The following RSBN1L variants were observed in gnomAD, a reference collection of about 807,000 sequenced individuals.
The protein encoded by RSBN1L is lysine-specific demethylase RSBN1L.
In RSBN1L, 30 loss-of-function variants were observed where a neutral mutation model predicts 67.7. The ratio of observed to expected loss-of-function variants is 0.44; its 90% CI spans 0.33 to 0.60. The LOEUF is 0.60. RSBN1L is among the 20% of genes least tolerant of loss of function. RSBN1L has a pLI of 0.02. For missense variants in RSBN1L, 992 were observed against 1,031.7 expected (o/e 0.96, Z 0.53); for synonymous variants, 433 against 387.0 (o/e 1.12, Z -1.39).
chr7:77,745,480 G>A (rs757574467), intron 2 of RSBN1L, among the ~76,000 whole-genome samples: 17 of 152,142 alleles, frequency 1.1e-4, no homozygotes, highest in Non-Finnish European at 1.9e-4. Flanking sequence ...AGTGTTGATT[G>A]ACATATAGTA....
At chr7:77,754,713 G>A (rs569557876) in intron 3 of RSBN1L, among the ~76,000 whole-genome samples, 29 of 152,118 alleles carry the variant, frequency 1.9e-4, no homozygotes, top group African/African-American at 6.3e-4. Flanking sequence ...TTAGTAATTA[G>A]CCATGGCACT....
At chr7:77,723,402 CTGT>C (rs994790286) in intron 1 of RSBN1L, among the ~76,000 whole-genome samples, 5 of 152,072 alleles carry the variant, frequency 3.3e-5, no homozygotes, top group African/African-American at 1.2e-4. Flanking sequence ...TTCTTAAAAA[CTGT>C]TAAGCCTAAT....
At chr7:77,758,333 T>TA (rs951377936) in intron 3 of RSBN1L, among the ~76,000 whole-genome samples, 4 of 152,180 alleles carry the variant, frequency 2.6e-5, no homozygotes, top group Non-Finnish European at 5.9e-5. Flanking sequence ...TCGGCCTATT[T>TA]AAAAAATCCT....
intron 1 of RSBN1L, among the ~76,000 whole-genome samples, chr7:77,733,110 A>C (rs1791291941): frequency 6.6e-6 from 1 of 152,208 alleles, no homozygotes; most frequent in Non-Finnish European, 1.5e-5. Flanking sequence ...CCTCAGCAAC[A>C]TAGCGAGACC....
intron 1 of RSBN1L, among the ~76,000 whole-genome samples, chr7:77,722,120 C>T (rs1033141839): frequency 6.6e-6 from 1 of 151,948 alleles, no homozygotes; most frequent in African/African-American, 2.4e-5. Context: ...GAGGATGTGC[C>T]ATTAACATAG....
intron 1 of RSBN1L, among the ~76,000 whole-genome samples, chr7:77,701,108 C>T (rs949969442): frequency 2.5e-4 from 26 of 102,922 alleles, no homozygotes; most frequent in African/African-American, 1.0e-3. Context: ...GCTGAGATGG[C>T]GTCACTGTAC....
At chr7:77,771,017 C>T (rs1250158842) in intron 5 of RSBN1L, among the ~76,000 whole-genome samples, 1 of 152,226 alleles carries the variant, frequency 6.6e-6, no homozygotes, top group African/African-American at 2.4e-5. Context: ...TCTCGGCTCA[C>T]TGCAACCTCC....
intron 1 of RSBN1L, among the ~76,000 whole-genome samples, chr7:77,703,335 A>C (rs965119695): frequency 5.9e-5 from 9 of 151,892 alleles, no homozygotes; most frequent in African/African-American, 2.2e-4. Context: ...GTTTGTCATT[A>C]TCTCTCCCAT....
intron 1 of RSBN1L, among the ~76,000 whole-genome samples, chr7:77,716,256 C>T (rs1791046305): frequency 6.6e-6 from 1 of 152,108 alleles, no homozygotes. Flanking sequence ...ATTTTGAAAA[C>T]TTCCGTCTGT....
intron 4 of RSBN1L, among the ~76,000 whole-genome samples, chr7:77,766,585 A>G (rs561884752): frequency 1.3e-5 from 2 of 151,742 alleles, no homozygotes; most frequent in East Asian, 3.9e-4. Flanking sequence ...TGCTAGGGCT[A>G]TCCCACTGAG....
intron 3 of RSBN1L, among the ~76,000 whole-genome samples, chr7:77,757,708 C>T (rs1051245868): frequency 5.3e-5 from 8 of 152,180 alleles, no homozygotes; most frequent in African/African-American, 1.9e-4. Flanking sequence ...TGGGACACCT[C>T]ACTTATATGG....
At chr7:77,711,170 A>G (rs1313290462) in intron 1 of RSBN1L, among the ~76,000 whole-genome samples, 1 of 152,182 alleles carries the variant, frequency 6.6e-6, no homozygotes, top group South Asian at 2.1e-4. Flanking sequence ...ACAACAGGCA[A>G]ATTGTCAAGT....
At chr7:77,700,484 C>T (rs1219777430) in intron 1 of RSBN1L, among the ~76,000 whole-genome samples, 1 of 152,158 alleles carries the variant, frequency 6.6e-6, no homozygotes, top group Non-Finnish European at 1.5e-5. Flanking sequence ...GGATTTAACT[C>T]TAATGAAAAT....
In RSBN1L at chr7:77,738,351, A is replaced by G. The variant is rs182493817; in HGVS notation, c.703+1825A>G. Among the ~76,000 whole-genome samples the G allele has an allele frequency of 3.2e-3, 483 of 152,350 alleles. 4 individuals carry two copies. The highest frequency in any genetic ancestry group is 0.01 in the African/African-American group (420 of 41,586). On this transcript the variant is annotated intron_variant, in intron 2 of 7. Transcript: ENST00000334955. ...TTAACTTTGAAGTAGACAAAAATTTAGGTGATATTTTGAACCGAGTTAAAC... is the reference window on the plus strand; with the variant it reads ...TTAACTTTGAAGTAGACAAAAATTTGGGTGATATTTTGAACCGAGTTAAAC...
intron 6 of RSBN1L, among the ~76,000 whole-genome samples, chr7:77,776,469 TTC>T (rs371751960): frequency 4.9e-4 from 75 of 152,350 alleles, no homozygotes; most frequent in African/African-American, 1.8e-3. Flanking sequence ...CTAATTTACT[TTC>T]TGTCTGTAGG....
At chr7:77,723,622 C>A (rs1013511404) in intron 1 of RSBN1L, among the ~76,000 whole-genome samples, 3 of 152,114 alleles carry the variant, frequency 2.0e-5, no homozygotes, top group Non-Finnish European at 4.4e-5. Context: ...GCATGTACCA[C>A]CATGCCCAGT....
chr7:77,757,580 A>C (rs1791635962), intron 3 of RSBN1L, among the ~76,000 whole-genome samples: 1 of 152,248 alleles, frequency 6.6e-6, no homozygotes, highest in African/African-American at 2.4e-5. Flanking sequence ...ACTTGAAAAA[A>C]GGTTTCATTT....
chr7:77,776,041 C>T (rs979373709), intron 6 of RSBN1L, among the ~76,000 whole-genome samples: 5 of 141,188 alleles, frequency 3.5e-5, no homozygotes, highest in Admixed American at 2.1e-4. Context: ...GGGCGATTGA[C>T]GTGAGACTCC....
At position 77,778,722 on chromosome 7, in the gene RSBN1L, A is replaced by G. The variant is rs769071909; in HGVS notation, c.2095A>G (p.Thr699Ala). The G allele has an allele frequency of 7.4e-6, 12 of 1,613,954 alleles. No individual in the cohort carries two copies. The highest frequency in any genetic ancestry group is 1.0e-5 in the Non-Finnish European group (12 of 1,179,966). Residue 699 changes from threonine (T) to alanine (A), a missense_variant, in exon 8 of 8, where the codon ACT (threonine) becomes GCT (alanine). Thr to Ala is a moderately conservative substitution (Grantham distance 58). Transcript: ENST00000334955. Reference sequence around the variant, plus strand: ...CAAATTATATCACTCAGAGGAGGACACTTCTCAGAATACAGCTACTCATGA... The same window carrying G: ...CAAATTATATCACTCAGAGGAGGACGCTTCTCAGAATACAGCTACTCATGA... ...RLKLYHSEEDTSQNTATHETG... is the reference protein window; with the variant it reads ...RLKLYHSEEDASQNTATHETG...
Sources: allele counts gnomAD v4.1 joint callset (sites outside exome capture counted in the v4.1 genomes callset), GRCh38; gene constraint gnomAD v4.1.1; transcripts MANE v1.5; gene names NCBI Gene and HGNC (gene_info 2026-07-23, HGNC 2026-07-21).